The following XRRA1 variants were observed in gnomAD, a reference collection of about 807,000 sequenced individuals.
XRRA1 encodes the protein X-ray radiation resistance associated 1, also known as X-ray radiation resistance-associated protein 1.
Under a neutral mutation model 80.2 loss-of-function variants are expected in XRRA1, and 69 were observed. That is an observed-to-expected ratio of 0.86 (90% CI 0.71 to 1.05). The LOEUF is 1.05. Among genes scored for constraint, XRRA1 ranks in the 50% least tolerant of loss-of-function variants. XRRA1 has a pLI of 0.00. For synonymous variants in XRRA1, 348 were observed against 389.9 expected (o/e 0.89, Z 1.27); for missense variants, 967 against 976.4 (o/e 0.99, Z 0.13).
chr11:74,845,040 C>G, intron 16 of XRRA1, 33 bp downstream of exon 16: 1 of 1,608,270 alleles, frequency 6.2e-7, no homozygotes, highest in Non-Finnish European at 8.5e-7. Flanking sequence ...GAGATGGCCT[C>G]TTGCCCTAGA....
chr11:74,843,974 T>C lies in XRRA1; in HGVS notation c.2044-15A>G. ...ATTCTCTGGGCCTGGCAGAAGGTCA[T>C]GGAGGAGGGTGTTATCCCAGGTTTA... On this transcript the variant is annotated splice_polypyrimidine_tract_variant and intron_variant, in intron 17 of 18. Coordinates refer to ENST00000684022, the MANE Select transcript of XRRA1 (RefSeq NM_001378157.1). 6.2e-7 allele frequency: 1 copy of C among 1,606,990 alleles called. No individual in the cohort carries two copies. Among genetic ancestry groups the C allele is most frequent in the Non-Finnish European group, 8.5e-7 (1 of 1,174,512 alleles).
At chr11:74,850,789 G>A in intron 14 of XRRA1, 1 of 170,494 alleles carries the variant, frequency 5.9e-6, no homozygotes, top group Non-Finnish European at 1.3e-5. Flanking sequence ...TCTCGCCTTG[G>A]CCTCCAAAGT....
At chr11:74,943,523 G>GT (rs1293232036) in intron 2 of XRRA1, among the ~76,000 whole-genome samples, 2 of 102,852 alleles carry the variant, frequency 1.9e-5, no homozygotes, top group Non-Finnish European at 4.1e-5. Context: ...GAGAGTAGGA[G>GT]GGTGTGTGTG....
intron 12 of XRRA1, among the ~76,000 whole-genome samples, chr11:74,856,939 A>G (rs1011423204): frequency 6.6e-6 from 1 of 152,150 alleles, no homozygotes; most frequent in Non-Finnish European, 1.5e-5. Flanking sequence ...GGCCTAGCAC[A>G]TTAGAGGTCT....
chr11:74,918,304 G>GTGTA (rs1168627260), intron 8 of XRRA1, among the ~76,000 whole-genome samples: 1 of 133,566 alleles, frequency 7.5e-6, no homozygotes, highest in African/African-American at 3.3e-5. Context: ...TCCTTAGTGT[G>GTGTA]TGTGTGTGTG....
At chr11:74,887,001 C>T (rs1218796485) in intron 10 of XRRA1, among the ~76,000 whole-genome samples, 1 of 152,218 alleles carries the variant, frequency 6.6e-6, no homozygotes, top group East Asian at 1.9e-4. Flanking sequence ...GCTGAGATAA[C>T]TGGCCAGCCA....
intron 10 of XRRA1, among the ~76,000 whole-genome samples, chr11:74,886,682 A>G (rs902373029): frequency 2.9e-4 from 44 of 152,208 alleles, no homozygotes; most frequent in African/African-American, 1.0e-3. Context: ...TCAAACTACC[A>G]ATGCCATTCT....
intron 4 of XRRA1, among the ~76,000 whole-genome samples, chr11:74,934,841 A>T (rs1944544098): frequency 6.6e-6 from 1 of 152,224 alleles, no homozygotes; most frequent in Non-Finnish European, 1.5e-5. Flanking sequence ...TAAAAATTGT[A>T]ATGTCGGATA....
rs1940682310 is a variant in XRRA1 at position 74,921,251 on chromosome 11, G to A, written c.619C>T (p.Leu207Phe). Reference protein sequence around the residue: ...LRVLLLTGNGLTSLPPNLAVA... With the variant: ...LRVLLLTGNGFTSLPPNLAVA... ...GCCAAATTGGGCGGCAGGGAGGTAA[G>A]GCCATTGCCTGTGAGGAGCAGGACA... Residue 207 changes from leucine to phenylalanine, a missense_variant, in exon 8 of 19, where the codon CTT becomes TTT. By Grantham distance (22) the Leu-to-Phe change is conservative. Transcript: ENST00000684022. 1.2e-6 allele frequency: 2 copies of A among 1,614,014 alleles called. No individual in the cohort carries two copies. Among genetic ancestry groups the A allele is most frequent in the South Asian group, 1.1e-5 (1 of 91,082 alleles).
chr11:74,907,096 A>C, intron 9 of XRRA1, 49 bp downstream of exon 9: 2 of 1,609,862 alleles, frequency 1.2e-6, no homozygotes, highest in Non-Finnish European at 1.7e-6. Context: ...GAGTGTGAGC[A>C]AGCCTGGGGA....
rs772279123 is a variant in XRRA1 at position 74,937,084 on chromosome 11, G to A, written c.95-16C>T. On this transcript the variant is annotated splice_polypyrimidine_tract_variant and intron_variant, in intron 3 of 18. Transcript: ENST00000684022. ...TGTCCTTGGCCTGTTGAGAAAATTA[G>A]AACAGTGAAAAGGGGAAAACTCCAA... 5.6e-6 allele frequency: 9 copies of A among 1,606,022 alleles called. No individual in the cohort carries two copies. Among genetic ancestry groups the A allele is most frequent in the Non-Finnish European group, 6.0e-6 (7 of 1,175,936 alleles).
At chr11:74,849,934 A>G (rs966537105) in intron 14 of XRRA1, among the ~76,000 whole-genome samples, 1 of 152,176 alleles carries the variant, frequency 6.6e-6, no homozygotes, top group Non-Finnish European at 1.5e-5. Flanking sequence ...CTGCATTTCT[A>G]GCCCCATCTC....
intron 3 of XRRA1, among the ~76,000 whole-genome samples, chr11:74,937,826 A>G (rs571022069): frequency 1.3e-5 from 2 of 152,158 alleles, no homozygotes; most frequent in Admixed American, 1.3e-4. Flanking sequence ...CTCCCTCTCT[A>G]GAGTGGAAGC....
intron 11 of XRRA1, among the ~76,000 whole-genome samples, chr11:74,860,055 A>G (rs1329972845): frequency 6.6e-6 from 1 of 152,226 alleles, no homozygotes; most frequent in Non-Finnish European, 1.5e-5. Flanking sequence ...CAGATGAACT[A>G]GATTCCATCT....
intron 8 of XRRA1, among the ~76,000 whole-genome samples, chr11:74,916,699 T>G (rs942551300): frequency 6.6e-6 from 1 of 152,212 alleles, no homozygotes; most frequent in African/African-American, 2.4e-5. Context: ...GGGCCATATT[T>G]TTCTGTTTCT....
chr11:74,884,791 G>A (rs1257415250), intron 10 of XRRA1, among the ~76,000 whole-genome samples: 3 of 152,146 alleles, frequency 2.0e-5, no homozygotes, highest in Non-Finnish European at 2.9e-5. Flanking sequence ...TGTTAAGAGG[G>A]AAATTTATAG....
At chr11:74,937,118 C>G in intron 3 of XRRA1, 50 bp from the exon 4 acceptor site, 1 of 1,568,002 alleles carries the variant, frequency 6.4e-7, no homozygotes, top group Non-Finnish European at 8.6e-7. Flanking sequence ...AAAGCTACAA[C>G]GAGTGCAGTT....
At chr11:74,883,384 C>A (rs1307393043) in intron 10 of XRRA1, among the ~76,000 whole-genome samples, 3 of 152,102 alleles carry the variant, frequency 2.0e-5, no homozygotes, top group South Asian at 2.1e-4. Context: ...ACACGGTGTG[C>A]GCACCCACTG....
At chr11:74,880,367 T>C (rs2047220184) in intron 10 of XRRA1, among the ~76,000 whole-genome samples, 1 of 152,128 alleles carries the variant, frequency 6.6e-6, no homozygotes, top group Non-Finnish European at 1.5e-5. Flanking sequence ...TCTTTATTAG[T>C]CTTGCTAGCG....
Sources: allele counts gnomAD v4.1 joint callset (sites outside exome capture counted in the v4.1 genomes callset), GRCh38; gene constraint gnomAD v4.1.1; transcripts MANE v1.5; gene names NCBI Gene and HGNC (gene_info 2026-07-23, HGNC 2026-07-21).